RABL3: variants seen among roughly 807,000 people sequenced by gnomAD.
RABL3 encodes rab-like protein 3.
In RABL3, 31 loss-of-function variants were observed where a neutral mutation model predicts 31.8. The observed-to-expected ratio is 0.97, with a 90% CI of 0.73 to 1.31. The LOEUF is 1.31. Among genes scored for constraint, RABL3 ranks in the 40% most tolerant of loss-of-function variants. The probability of loss-of-function intolerance (pLI) is 0.00; values close to 1 mark genes in which losing one functional copy is unlikely to be tolerated. For synonymous variants in RABL3, 97 were observed against 99.9 expected, an observed-to-expected ratio of 0.97 and a Z score of 0.18; for missense variants, 263 against 279.6, an observed-to-expected ratio of 0.94 and a Z score of 0.42.
intron 7 of RABL3, 32 bp downstream of exon 7, chr3:120,690,417 G>T: frequency 2.7e-6 from 4 of 1,466,056 alleles, no homozygotes; most frequent in Non-Finnish European, 3.8e-6. Context: ...CAAAATTTAA[G>T]AATCTATTTT....
At position 120,686,774 on chromosome 3, in the gene RABL3, T is replaced by C. The variant is rs1708312789; in HGVS notation, c.*3049A>G. ...CAAAAAAGAAATAGGAAAACTTGTG[T>C]ATTTTTATGTACAGTCTTATGCAGA... is the stretch of plus-strand genomic sequence containing the variant. On this transcript the variant is annotated 3_prime_UTR_variant, in exon 8 of 8. Transcript: ENST00000273375. 1 of 152,194 alleles carries C rather than the reference T, an allele frequency of 6.6e-6. No homozygotes were observed. Among genetic ancestry groups the C allele is most frequent in the Non-Finnish European group, 1.5e-5 (1 of 68,032 alleles). The allele number at this position is 152,194 out of a possible 1,614,324, so 9.4% of individuals were successfully genotyped here.
chr3:120,699,487 A>C (rs1708472298), intron 4 of RABL3, among the ~76,000 whole-genome samples: 1 of 152,240 alleles, frequency 6.6e-6, no homozygotes, highest in South Asian at 2.1e-4. Flanking sequence ...TATTAGAAAT[A>C]AAACAGATTT....
chr3:120,742,249 A>C (rs962999286), intron 1 of RABL3, among the ~76,000 whole-genome samples: 28 of 150,310 alleles, frequency 1.9e-4, no homozygotes, highest in South Asian at 2.1e-4. Context: ...AAGGCAAAAG[A>C]CCCGGGCTCC....
Position 120,737,371 on chromosome 3 carries a change from C to T in RABL3, c.46+5091G>A, listed in dbSNP as rs146156295. Among the ~76,000 whole-genome samples the T allele has an allele frequency of 7.7e-3, 1,177 of 152,318 alleles. 7 individuals are homozygous for T. The highest frequency in any genetic ancestry group is 0.022 in the South Asian group (107 of 4,826). On this transcript the variant is annotated intron_variant, in intron 1 of 7. Coordinates refer to ENST00000273375, the MANE Select transcript of RABL3 (RefSeq NM_173825.5). ...GTTCTTGTGCCATGGTTTTCAGCTCCAACAGGTCATTTAAGGACTTCTCTA... is the reference window on the plus strand; with the variant it reads ...GTTCTTGTGCCATGGTTTTCAGCTCTAACAGGTCATTTAAGGACTTCTCTA...
intron 2 of RABL3, among the ~76,000 whole-genome samples, chr3:120,712,111 C>T (rs1347439890): frequency 6.6e-6 from 1 of 152,160 alleles, no homozygotes; most frequent in Non-Finnish European, 1.5e-5. Context: ...CAACTTAATG[C>T]TTTACACTTT....
intron 2 of RABL3, among the ~76,000 whole-genome samples, chr3:120,717,974 C>T (rs1369893293): frequency 1.3e-5 from 2 of 152,172 alleles, no homozygotes; most frequent in Non-Finnish European, 2.9e-5. Flanking sequence ...ACCAGCTACA[C>T]TCAAGACATT....
At chr3:120,719,520 C>T (rs934393914) in intron 2 of RABL3, among the ~76,000 whole-genome samples, 11 of 152,248 alleles carry the variant, frequency 7.2e-5, no homozygotes, top group East Asian at 1.9e-4. Flanking sequence ...GCTTTTCCAA[C>T]GGTCTTAGCA....
At chr3:120,720,554 T>C (rs1708726576) in intron 2 of RABL3, among the ~76,000 whole-genome samples, 1 of 152,150 alleles carries the variant, frequency 6.6e-6, no homozygotes, top group Non-Finnish European at 1.5e-5. Flanking sequence ...GCCTCAGTAG[T>C]CGATTCAATC....
Position 120,689,692 on chromosome 3 carries a change from A to G in RABL3, c.*131T>C, listed in dbSNP as rs1708356500. On this transcript the variant is annotated 3_prime_UTR_variant, in exon 8 of 8. Coordinates refer to ENST00000273375, the MANE Select transcript of RABL3 (RefSeq NM_173825.5). ...GTCACTTCCTTTCATTTTTCCATTA[A>G]AGGGTAAGGCTGAAGGGTAGCATTT... 3.0e-6 allele frequency: 2 copies of G among 656,148 alleles called. No homozygotes were observed. The highest frequency in any genetic ancestry group is 5.3e-6 in the Non-Finnish European group (2 of 375,758). 40.6% of individuals were successfully genotyped at this position (656,148 alleles called of 1,614,324 possible).
At chr3:120,732,583 C>CT (rs941780117) in intron 1 of RABL3, among the ~76,000 whole-genome samples, 3 of 151,864 alleles carry the variant, frequency 2.0e-5, no homozygotes, top group African/African-American at 7.3e-5. Context: ...TATTATTATA[C>CT]TTTAAGTTCT....
At chr3:120,715,816 C>T (rs1708662318) in intron 2 of RABL3, among the ~76,000 whole-genome samples, 1 of 151,980 alleles carries the variant, frequency 6.6e-6, no homozygotes, top group Non-Finnish European at 1.5e-5. Context: ...AGCAGACTGC[C>T]TGGGTTTGAA....
chr3:120,712,085 A>G (rs1708618890), intron 2 of RABL3, among the ~76,000 whole-genome samples: 1 of 152,166 alleles, frequency 6.6e-6, no homozygotes, highest in African/African-American at 2.4e-5. Context: ...ATGCACTAAA[A>G]CTCACATACT....
chr3:120,690,586 T>G (rs1166610539), intron 6 of RABL3, 99 bp from the exon 7 acceptor site: 2 of 795,070 alleles, frequency 2.5e-6, no homozygotes, highest in African/African-American at 3.5e-5. Context: ...ATATCCAAAC[T>G]AAGAATCTTT....
At chr3:120,714,573 G>T (rs559500273) in intron 2 of RABL3, among the ~76,000 whole-genome samples, 1 of 151,628 alleles carries the variant, frequency 6.6e-6, no homozygotes, top group African/African-American at 2.4e-5. Context: ...TTTATTTAAC[G>T]TCTAAACTTC....
At chr3:120,735,576 C>A (rs988317571) in intron 1 of RABL3, among the ~76,000 whole-genome samples, 3 of 151,806 alleles carry the variant, frequency 2.0e-5, no homozygotes, top group Non-Finnish European at 2.9e-5. Flanking sequence ...TTATTTCTTG[C>A]CTTCTGCTAG....
At chr3:120,706,527 T>C (rs374273386) in intron 3 of RABL3, among the ~76,000 whole-genome samples, 71 of 151,840 alleles carry the variant, frequency 4.7e-4, no homozygotes, top group African/African-American at 1.6e-3. Flanking sequence ...AGTACTGCCA[T>C]AGATACCAGT....
intron 2 of RABL3, among the ~76,000 whole-genome samples, chr3:120,726,699 G>A (rs1002891138): frequency 5.9e-5 from 9 of 151,932 alleles, no homozygotes; most frequent in Non-Finnish European, 1.2e-4. Flanking sequence ...AGCCAAGATC[G>A]TGCCACTGCA....
intron 1 of RABL3, among the ~76,000 whole-genome samples, chr3:120,736,423 G>C (rs1190212664): frequency 2.6e-5 from 4 of 151,764 alleles, no homozygotes; most frequent in Non-Finnish European, 5.9e-5. Flanking sequence ...CCTTTATTTT[G>C]AGCCTATGTG....
intron 1 of RABL3, among the ~76,000 whole-genome samples, chr3:120,741,778 A>G (rs930021545): frequency 6.6e-6 from 1 of 152,260 alleles, no homozygotes; most frequent in Non-Finnish European, 1.5e-5. Context: ...TCTATTGTAC[A>G]GTCTAGGACA....
Sources: allele counts gnomAD v4.1 joint callset (sites outside exome capture counted in the v4.1 genomes callset), GRCh38; gene constraint gnomAD v4.1.1; transcripts MANE v1.5; gene names NCBI Gene and HGNC (gene_info 2026-07-23, HGNC 2026-07-21).